The following DNAAF9 variants were observed in gnomAD, a reference collection of about 807,000 sequenced individuals.
DNAAF9 encodes the protein shulin.
In DNAAF9, 90 loss-of-function variants were observed where a neutral mutation model predicts 167.0. The ratio of observed to expected loss-of-function variants is 0.54; its 90% CI spans 0.45 to 0.64. DNAAF9 has a LOEUF of 0.64. Among genes scored for constraint, DNAAF9 ranks in the 30% least tolerant of loss-of-function variants. The pLI, the probability that DNAAF9 is intolerant of heterozygous loss-of-function variation, is 0.00. For missense variants in DNAAF9, 1,315 were observed against 1,442.2 expected (o/e 0.91, Z 1.43); for synonymous variants, 491 against 508.8 (o/e 0.96, Z 0.47).
chr20:3,266,214 A>C (rs1392286832), intron 30 of DNAAF9, among the ~76,000 whole-genome samples: 1 of 152,234 alleles, frequency 6.6e-6, no homozygotes, highest in East Asian at 1.9e-4. Context: ...ACAGGGTATC[A>C]GTTTGTCCCA....
At chr20:3,330,794 T>TC (rs1255398609) in intron 11 of DNAAF9, 112 bp from the exon 12 acceptor site, 74 of 499,210 alleles carry the variant, frequency 1.5e-4, no homozygotes, top group African/African-American at 1.4e-3. Flanking sequence ...AACTACACTT[T>TC]TTTTTTTTTT....
In DNAAF9 at chr20:3,281,693, T is replaced by C. The variant is rs760180891; in HGVS notation, c.2560A>G (p.Ile854Val). The C allele has an allele frequency of 6.2e-7, 1 of 1,612,964 alleles. No individual in the cohort carries two copies. Among genetic ancestry groups the C allele is most frequent in the Non-Finnish European group, 8.5e-7 (1 of 1,179,460 alleles). ...TCCACACATGCTGTGATGGCACCAA[T>C]GGTGAAGGAGGCCTTGACATTTGAG... is the stretch of plus-strand genomic sequence containing the variant. Reference protein sequence around the residue: ...PDSNVKASFTIGAITACVEPM... With the variant: ...PDSNVKASFTVGAITACVEPM... Residue 854 changes from isoleucine (I) to valine (V), a missense_variant, in exon 28 of 37, where the codon ATT becomes GTT. By Grantham distance (29) the Ile-to-Val change is conservative. This residue lies in a region of DNAAF9 where 334 missense variants were observed against 429.7 expected (regional missense o/e 0.78). Transcript: ENST00000252032.
At chr20:3,343,250 C>T (rs2070122819) in intron 9 of DNAAF9, among the ~76,000 whole-genome samples, 1 of 152,158 alleles carries the variant, frequency 6.6e-6, no homozygotes, top group African/African-American at 2.4e-5. Context: ...GCAACCTCCG[C>T]CTCCTGGGTT....
chr20:3,371,234 A>T, intron 6 of DNAAF9, among the ~76,000 whole-genome samples: 1 of 149,392 alleles, frequency 6.7e-6, no homozygotes, highest in Non-Finnish European at 1.5e-5. Context: ...TTGATTGCTC[A>T]CCTCATTGCT....
At chr20:3,293,292 C>CAAAA (rs1172725572) in intron 25 of DNAAF9, among the ~76,000 whole-genome samples, 3,593 of 22,864 alleles carry the variant, frequency 0.16, 1,111 homozygotes, top group Non-Finnish European at 0.18. Context: ...GACTCCGTCT[C>CAAAA]AAAAAAAAAA....
chr20:3,345,104 C>T (rs1003265268), intron 8 of DNAAF9, among the ~76,000 whole-genome samples: 1 of 152,158 alleles, frequency 6.6e-6, no homozygotes, highest in African/African-American at 2.4e-5. Flanking sequence ...CTGCAACTTT[C>T]GCCTCCCAGG....
At chr20:3,285,816 T>TA (rs1472689718) in intron 27 of DNAAF9, among the ~76,000 whole-genome samples, 1 of 149,622 alleles carries the variant, frequency 6.7e-6, no homozygotes, top group Non-Finnish European at 1.5e-5. Context: ...TGATCTCTAC[T>TA]AAAAAATACA....
intron 20 of DNAAF9, among the ~76,000 whole-genome samples, chr20:3,311,407 C>G (rs1250673368): frequency 6.6e-6 from 1 of 151,972 alleles, no homozygotes; most frequent in Non-Finnish European, 1.5e-5. Flanking sequence ...ATTACAGATG[C>G]TGGCTAATTT....
At chr20:3,326,603 G>C (rs1273770959) in intron 12 of DNAAF9, among the ~76,000 whole-genome samples, 1 of 151,964 alleles carries the variant, frequency 6.6e-6, no homozygotes, top group African/African-American at 2.4e-5. Flanking sequence ...AAATTATCCA[G>C]AAATGGTGGT....
At chr20:3,326,486 C>T (rs1254447349) in intron 12 of DNAAF9, among the ~76,000 whole-genome samples, 2 of 152,130 alleles carry the variant, frequency 1.3e-5, no homozygotes, top group Admixed American at 1.3e-4. Context: ...AATCCCAGCA[C>T]TTTGGGAGGC....
chr20:3,322,337 T>C lies in DNAAF9; in HGVS notation c.1311-75A>G, dbSNP rs915924481. The C allele has an allele frequency of 1.5e-4, 178 of 1,181,244 alleles. 1 individual carries two copies. Among genetic ancestry groups the C allele is most frequent in the Non-Finnish European group, 2.0e-4 (156 of 795,920 alleles). The allele number at this position is 1,181,244 out of a possible 1,614,324, so 73.2% of individuals were successfully genotyped here. ...CTTAAATTTACAGTGTTTGCTTTTTTCAACTTGGCAATGACAAGTCATAGA... is the reference window on the plus strand; with the variant it reads ...CTTAAATTTACAGTGTTTGCTTTTTCCAACTTGGCAATGACAAGTCATAGA... On this transcript the variant is annotated intron_variant, in intron 15 of 36. Transcript: ENST00000252032.
Position 3,400,060 on chromosome 20 carries a change from G to T in DNAAF9, c.83+7415C>A, listed in dbSNP as rs1275135441. On this transcript the variant is annotated intron_variant, in intron 1 of 36. Transcript: ENST00000252032. The stretch of plus-strand genomic sequence containing the variant: ...CCACAAATGGAAAATGTTATCTGAA[G>T]TTTGTTCACTATATTCCAGTGTATA... Among the ~76,000 whole-genome samples, 3 of 152,204 alleles carry T rather than the reference G, an allele frequency of 2.0e-5. No homozygotes were observed. In the East Asian group the frequency reaches 5.8e-4, roughly 29 times the overall value.
In DNAAF9 at chr20:3,290,191, G is replaced by A; in HGVS notation, c.2265C>T (p.Leu755=). The A allele has an allele frequency of 1.9e-6, 3 of 1,612,656 alleles. No individual in the cohort carries two copies. The highest frequency in any genetic ancestry group is 2.5e-6 in the Non-Finnish European group (3 of 1,178,614). ...DKVIISIVTG[L]PGCHASELCA... Reference sequence around the variant, plus strand: ...AGAGCTCGCTAGCGTGACAGCCTGGGAGGCCGGTTACAATGCTGATAATTA... The same window carrying A: ...AGAGCTCGCTAGCGTGACAGCCTGGAAGGCCGGTTACAATGCTGATAATTA... Residue 755 remains leucine (L), a synonymous_variant, in exon 26 of 37, where the codon CTC becomes CTT. Coordinates refer to ENST00000252032, the MANE Select transcript of DNAAF9 (RefSeq NM_001009984.3).
intron 26 of DNAAF9, among the ~76,000 whole-genome samples, 154 bp downstream of exon 26, chr20:3,289,975 C>T (rs6037535): frequency 0.19 from 28,830 of 152,110 alleles, 2,954 homozygotes; most frequent in African/African-American, 0.23. Flanking sequence ...GCCTGCCATA[C>T]AGGAAGTGCT....
Position 3,251,142 on chromosome 20 carries a change from T to C in DNAAF9, c.*1430A>G, listed in dbSNP as rs2068187772. 7.0e-6 allele frequency: 1 copy of C among 142,148 alleles called. No individual in the cohort carries two copies. Among genetic ancestry groups the C allele is most frequent in the Non-Finnish European group, 1.6e-5 (1 of 64,482 alleles). 8.8% of individuals were successfully genotyped at this position (142,148 alleles called of 1,614,324 possible). ...GTTTTGTTCATTTGGCTTCAAATTG[T>C]TTTTTTTTTTTTTCTAATATATTTT... On this transcript the variant is annotated 3_prime_UTR_variant, in exon 37 of 37. Coordinates refer to ENST00000252032, the MANE Select transcript of DNAAF9 (RefSeq NM_001009984.3).
intron 6 of DNAAF9, among the ~76,000 whole-genome samples, chr20:3,366,180 A>G (rs2083431001): frequency 6.6e-6 from 1 of 152,168 alleles, no homozygotes; most frequent in Non-Finnish European, 1.5e-5. Context: ...GATCCATCAG[A>G]GGAATCTATT....
At chr20:3,375,339 T>C (rs1451963906) in intron 4 of DNAAF9, among the ~76,000 whole-genome samples, 1 of 152,156 alleles carries the variant, frequency 6.6e-6, no homozygotes, top group African/African-American at 2.4e-5. Flanking sequence ...TCAACTGAAA[T>C]GGATCAGGAA....
At chr20:3,381,282 T>G in intron 3 of DNAAF9, 97 bp downstream of exon 3, 1 of 1,042,122 alleles carries the variant, frequency 9.6e-7, no homozygotes, top group Non-Finnish European at 1.3e-6. Flanking sequence ...CTTTGGACTA[T>G]TTTAAATTTT....
At chr20:3,267,532 T>G (rs997735375) in intron 30 of DNAAF9, among the ~76,000 whole-genome samples, 1 of 152,096 alleles carries the variant, frequency 6.6e-6, no homozygotes, top group Non-Finnish European at 1.5e-5. Context: ...GTAGGAAATA[T>G]ACATTTTTAA....
Sources: allele counts gnomAD v4.1 joint callset (sites outside exome capture counted in the v4.1 genomes callset), GRCh38; gene constraint gnomAD v4.1.1; regional missense constraint gnomAD v4.1.1; transcripts MANE v1.5; gene names NCBI Gene and HGNC (gene_info 2026-07-23, HGNC 2026-07-21).